The following DOCK9 variants were observed in gnomAD, a reference collection of about 807,000 sequenced individuals.
DOCK9 encodes the protein dedicator of cytokinesis protein 9.
Under a neutral mutation model 263.3 loss-of-function variants are expected in DOCK9, and 89 were observed. The ratio of observed to expected loss-of-function variants is 0.34; its 90% CI spans 0.28 to 0.40. The LOEUF is 0.40. Ranked by LOEUF, DOCK9 falls within the 10% of genes least tolerant of loss-of-function variation. The probability of loss-of-function intolerance (pLI) is 1.00; values close to 1 mark genes in which losing one functional copy is unlikely to be tolerated. For missense variants in DOCK9, 2,140 were observed against 2,603.4 expected, an observed-to-expected ratio of 0.82 and a Z score of 3.87; for synonymous variants, 976 against 973.1, an observed-to-expected ratio of 1.00 and a Z score of -0.06.
rs1393936041 is a variant in DOCK9, at chr13:98,963,441, G to A, written c.127-7890C>T. On this transcript the variant is annotated intron_variant, in intron 1 of 52. Coordinates refer to ENST00000682017, the MANE Select transcript of DOCK9 (RefSeq NM_001366683.2). Reference sequence around the variant, plus strand: ...TCTGGCCAAACATGTACAAAACCTCGAAAACCATGGGAAGAGCTAAGCTCC... The same window carrying A: ...TCTGGCCAAACATGTACAAAACCTCAAAAACCATGGGAAGAGCTAAGCTCC... Among the ~76,000 whole-genome samples, 3 of 152,164 alleles carry A rather than the reference G, an allele frequency of 2.0e-5. 1 individual carries two copies. Among genetic ancestry groups the A allele is most frequent in the African/African-American group, 4.8e-5 (2 of 41,442 alleles).
At chr13:98,831,168 C>T (rs1465735201) in intron 41 of DOCK9, among the ~76,000 whole-genome samples, 180 bp downstream of exon 41, 1 of 152,178 alleles carries the variant, frequency 6.6e-6, no homozygotes, top group African/African-American at 2.4e-5. Flanking sequence ...GCATCTCAGG[C>T]CCATATCTTA....
intron 2 of DOCK9, among the ~76,000 whole-genome samples, chr13:98,941,023 G>C (rs1189509321): frequency 6.6e-6 from 1 of 152,040 alleles, no homozygotes; most frequent in African/African-American, 2.4e-5. Context: ...AACTTTTCTG[G>C]ACTCTTCTGC....
chr13:98,946,443 A>C (rs1169806951), intron 2 of DOCK9, among the ~76,000 whole-genome samples: 2 of 152,074 alleles, frequency 1.3e-5, no homozygotes, highest in East Asian at 1.9e-4. Flanking sequence ...CCCCTGCCCC[A>C]GGCCAGCCTG....
chr13:98,865,632 T>C (rs930422803), intron 30 of DOCK9, among the ~76,000 whole-genome samples: 10 of 152,112 alleles, frequency 6.6e-5, no homozygotes, highest in Non-Finnish European at 1.5e-4. Flanking sequence ...CATGGGGAGA[T>C]GGGCATCAGC....
In DOCK9 at chr13:98,989,218, C is replaced by T. The variant is rs1879182628; in HGVS notation, c.130-33667G>A. On this transcript the variant is annotated intron_variant, in intron 1 of 32. Coordinates refer to the DOCK9 transcript ENST00000427887. ...CCAAAGAATATTTTCCTCCTTGGTA[C>T]TCCAGCAAAAGTGAGGTGAAGCCAA... Among the ~76,000 whole-genome samples, 2 of 152,000 alleles carry T rather than the reference C, an allele frequency of 1.3e-5. 1 individual carries two copies. Among genetic ancestry groups the T allele is most frequent in the South Asian group, 4.2e-4 (2 of 4,816 alleles).
intron 9 of DOCK9, among the ~76,000 whole-genome samples, chr13:98,908,584 G>C (rs1209829556): frequency 6.6e-6 from 1 of 152,132 alleles, no homozygotes; most frequent in Non-Finnish European, 1.5e-5. Flanking sequence ...GGCCCAGAGG[G>C]ACATCTATGA....
chr13:99,000,138 T>C (rs910889784), intron 1 of DOCK9, among the ~76,000 whole-genome samples: 3 of 152,166 alleles, frequency 2.0e-5, no homozygotes, highest in Admixed American at 6.5e-5. Context: ...TTCTGGGATC[T>C]GGGAGAAAAT....
At chr13:98,949,834 G>T in intron 2 of DOCK9, 2 of 482,286 alleles carry the variant, frequency 4.1e-6, no homozygotes, top group South Asian at 3.1e-5. Flanking sequence ...TGGAAAGGGT[G>T]CAAGACCCAT....
At chr13:99,074,706 T>C (rs1296503941) in intron 1 of DOCK9, among the ~76,000 whole-genome samples, 1 of 152,260 alleles carries the variant, frequency 6.6e-6, no homozygotes, top group African/African-American at 2.4e-5. Context: ...CTGCCTCTTC[T>C]TTTCCTTTAA....
At chr13:98,838,719 G>A (rs1409777179) in intron 38 of DOCK9, among the ~76,000 whole-genome samples, 2 of 152,190 alleles carry the variant, frequency 1.3e-5, no homozygotes, top group Non-Finnish European at 2.9e-5. Context: ...TATTGATCTA[G>A]ATTACAAAGA....
At chr13:98,903,178 A>G in intron 10 of DOCK9, 66 bp from the exon 11 acceptor site, 1 of 1,249,726 alleles carries the variant, frequency 8.0e-7, no homozygotes, top group East Asian at 2.7e-5. Context: ...TCATAAATGC[A>G]TCCAAAGGAA....
chr13:98,929,701 T>A (rs750522627), intron 3 of DOCK9, among the ~76,000 whole-genome samples: 43 of 151,858 alleles, frequency 2.8e-4, no homozygotes, highest in Non-Finnish European at 4.7e-4. Flanking sequence ...TGACTAGCGA[T>A]AGACCCTGCT....
intron 37 of DOCK9, 55 bp from the exon 38 acceptor site, chr13:98,846,115 C>A: frequency 2.0e-6 from 3 of 1,537,390 alleles, no homozygotes; most frequent in Non-Finnish European, 2.6e-6. Context: ...TACACTGCAG[C>A]GAGACGGGGA....
intron 16 of DOCK9, 30 bp from the exon 17 acceptor site, chr13:98,888,577 G>A: frequency 6.2e-7 from 1 of 1,612,570 alleles, no homozygotes; most frequent in Non-Finnish European, 8.5e-7. Flanking sequence ...AACTCAAACT[G>A]AAGTAAAACC....
In DOCK9 at chr13:98,868,187, A is replaced by G. The variant is rs143064488; in HGVS notation, c.3090+44T>C. On this transcript the variant is annotated intron_variant, in intron 28 of 52. Transcript: ENST00000682017. ...CTGCTAGACAGCTGGTAAAAAGCACATCTTTGTCCCATAACTGATATCCTC... is the reference window on the plus strand; with the variant it reads ...CTGCTAGACAGCTGGTAAAAAGCACGTCTTTGTCCCATAACTGATATCCTC... The G allele has an allele frequency of 3.4e-3, 5,464 of 1,606,756 alleles. 207 individuals are homozygous for G. In the Admixed American group the frequency reaches 0.073, roughly 21 times the overall value.
intron 1 of DOCK9, among the ~76,000 whole-genome samples, chr13:98,956,398 A>G (rs1361786320): frequency 2.0e-5 from 3 of 152,210 alleles, no homozygotes; most frequent in Non-Finnish European, 4.4e-5. Context: ...TATTCAACTA[A>G]CTATACTACA....
chr13:99,076,314 A>G (rs1292347139), intron 1 of DOCK9, among the ~76,000 whole-genome samples: 1 of 152,206 alleles, frequency 6.6e-6, no homozygotes, highest in Admixed American at 6.5e-5. Context: ...TATTTAACAC[A>G]AGAGTTAGAT....
At chr13:98,846,438 T>A (rs760271357) in intron 37 of DOCK9, 67 of 1,135,398 alleles carry the variant, frequency 5.9e-5, no homozygotes, top group South Asian at 2.2e-4. Flanking sequence ...GTATTTTTTT[T>A]AATTAAAAAA....
At chr13:99,086,785 C>G (rs565478815), upstream of DOCK9, among the ~76,000 whole-genome samples, 2 of 149,096 alleles carry the variant, frequency 1.3e-5, no homozygotes, top group South Asian at 2.1e-4. Context: ...CGGCGCGGCC[C>G]GGCGCTGGAG....
Sources: allele counts gnomAD v4.1 joint callset (sites outside exome capture counted in the v4.1 genomes callset), GRCh38; gene constraint gnomAD v4.1.1; transcripts MANE v1.5; gene names NCBI Gene and HGNC (gene_info 2026-07-23, HGNC 2026-07-21).